Variants in GPM6A observed in about 807,000 individuals in gnomAD.
GPM6A encodes the protein neuronal membrane glycoprotein M6-a.
A neutral mutation model predicts 32.1 loss-of-function variants in GPM6A; 7 were observed. That is an observed-to-expected ratio of 0.22 (90% CI 0.12 to 0.41). The LOEUF (loss-of-function observed/expected upper bound fraction) is 0.41, where lower values mean the gene tolerates loss of function less well. Among genes scored for constraint, GPM6A ranks in the 10% least tolerant of loss-of-function variants. The pLI is 1.00. For missense variants in GPM6A, 235 were observed against 347.2 expected, an observed-to-expected ratio of 0.68 and a Z score of 2.57; for synonymous variants, 130 against 123.4, an observed-to-expected ratio of 1.05 and a Z score of -0.35.
chr4:175,784,974 C>T (rs1733741989), intron 1 of GPM6A, among the ~76,000 whole-genome samples: 4 of 152,118 alleles, frequency 2.6e-5, no homozygotes, highest in Admixed American at 2.0e-4. Context: ...CAATTCATCC[C>T]CTTTCTGTAT....
chr4:175,684,688 T>C (rs565777423), intron 2 of GPM6A, among the ~76,000 whole-genome samples: 2 of 152,234 alleles, frequency 1.3e-5, no homozygotes, highest in African/African-American at 2.4e-5. Context: ...TGAATTTCTA[T>C]ATCTAGATTT....
chr4:175,883,861 G>C (rs1185520098), intron 1 of GPM6A, among the ~76,000 whole-genome samples: 2 of 152,084 alleles, frequency 1.3e-5, no homozygotes, highest in Non-Finnish European at 2.9e-5. Flanking sequence ...TACCAATTCA[G>C]AAATGTTATT....
chr4:175,794,170 G>T (rs964773403), intron 1 of GPM6A, among the ~76,000 whole-genome samples: 1 of 152,112 alleles, frequency 6.6e-6, no homozygotes, highest in Non-Finnish European at 1.5e-5. Context: ...AAAAATCTCT[G>T]GGTCTTAGCA....
At chr4:175,724,995 T>C (rs1256116680) in intron 1 of GPM6A, among the ~76,000 whole-genome samples, 3 of 152,144 alleles carry the variant, frequency 2.0e-5, no homozygotes, top group Admixed American at 2.0e-4. Context: ...ATTCTTCCCT[T>C]ACATATCTCC....
At chr4:175,967,933 A>G (rs1214776868) in intron 1 of GPM6A, among the ~76,000 whole-genome samples, 2 of 152,178 alleles carry the variant, frequency 1.3e-5, no homozygotes, top group Non-Finnish European at 2.9e-5. Flanking sequence ...TTTTATATGG[A>G]AAGAAACAGA....
At position 175,678,696 on chromosome 4, in the gene GPM6A, G is replaced by A. The variant is rs542190884; in HGVS notation, c.231-4860C>T. The stretch of plus-strand genomic sequence containing the variant: ...ATGATGTGAACTGTGTAAACCTGTC[G>A]CGCATTTGAAAGAATCTGAGGATGT... On this transcript the variant is annotated intron_variant, in intron 2 of 6. Coordinates refer to ENST00000393658, the MANE Select transcript of GPM6A (RefSeq NM_201591.3). Among the ~76,000 whole-genome samples the A allele has an allele frequency of 4.6e-5, 7 of 152,190 alleles. No homozygotes were observed. The South Asian group carries it at 6.2e-4, about 14-fold the overall frequency.
At chr4:175,828,087 A>G (rs1313440466) in intron 1 of GPM6A, among the ~76,000 whole-genome samples, 2 of 152,204 alleles carry the variant, frequency 1.3e-5, no homozygotes, top group Non-Finnish European at 2.9e-5. Context: ...AAAACATTGT[A>G]TATTCATATA....
intron 5 of GPM6A, 140 bp downstream of exon 5, chr4:175,640,613 G>A (rs1741086510): frequency 3.0e-6 from 2 of 664,456 alleles, no homozygotes; most frequent in Non-Finnish European, 5.3e-6. Flanking sequence ...TACTCCTCCT[G>A]AATAACACTA....
intron 1 of GPM6A, among the ~76,000 whole-genome samples, chr4:175,823,387 C>T (rs1036532165): frequency 7.9e-5 from 12 of 152,082 alleles, no homozygotes; most frequent in Admixed American, 2.6e-4. Context: ...CAATAAGATA[C>T]GTCAGTTAAG....
intron 2 of GPM6A, among the ~76,000 whole-genome samples, chr4:175,676,917 AT>A (rs1743401108): frequency 6.6e-6 from 1 of 152,220 alleles, no homozygotes; most frequent in Admixed American, 6.5e-5. Context: ...CTCCAGATCT[AT>A]TTAAGTATCT....
chr4:175,779,452 G>A (rs1212384330), intron 1 of GPM6A, among the ~76,000 whole-genome samples: 1 of 152,118 alleles, frequency 6.6e-6, no homozygotes, highest in Non-Finnish European at 1.5e-5. Context: ...TGAATATTGA[G>A]TGTAATGAAT....
In GPM6A at chr4:175,913,271, C is replaced by T. The variant is rs114493735; in HGVS notation, c.-23+89038G>A. ...GATGATTTGTAAACAAACAGAATCA[C>T]CCACTATGTCTTCCAAGAATTGTGT... On this transcript the variant is annotated intron_variant, in intron 1 of 7. Transcript: ENST00000280187. 5.0e-3 allele frequency among the ~76,000 whole-genome samples: 747 copies of T among 150,738 alleles called. 2 individuals carry two copies. Among genetic ancestry groups the T allele is most frequent in the African/African-American group, 0.017 (685 of 40,176 alleles).
At chr4:175,782,624 A>T (rs1384333415) in intron 1 of GPM6A, among the ~76,000 whole-genome samples, 1 of 152,162 alleles carries the variant, frequency 6.6e-6, no homozygotes, top group Non-Finnish European at 1.5e-5. Context: ...AGTTTATTAC[A>T]TCCGATTAAC....
chr4:175,637,316 TAAA>T (rs1239378360), intron 6 of GPM6A, among the ~76,000 whole-genome samples: 2 of 69,240 alleles, frequency 2.9e-5, no homozygotes, highest in Non-Finnish European at 5.3e-5. Flanking sequence ...ATATATAATA[TAAA>T]ATATATATTA....
rs143333761 is a variant in GPM6A, at chr4:175,783,900, A to G, written c.37+28291T>C. 9.4e-3 allele frequency among the ~76,000 whole-genome samples: 1,432 copies of G among 152,198 alleles called. 13 individuals are homozygous for G. The highest frequency in any genetic ancestry group is 0.013 in the Non-Finnish European group (897 of 67,918). ...TGAAATATCTACCAATTACAATGGT[A>G]GTATTAACATATGTCCACAAATTTT... On this transcript the variant is annotated intron_variant, in intron 1 of 6. Coordinates refer to ENST00000393658, the MANE Select transcript of GPM6A (RefSeq NM_201591.3).
chr4:175,959,232 ACT>A (rs1290205018), intron 1 of GPM6A, among the ~76,000 whole-genome samples: 1 of 151,902 alleles, frequency 6.6e-6, no homozygotes, highest in Non-Finnish European at 1.5e-5. Context: ...ACTCATGGGA[ACT>A]CTCTATATTC....
chr4:175,866,136 A>G (rs1350210272), intron 1 of GPM6A, among the ~76,000 whole-genome samples: 1 of 152,178 alleles, frequency 6.6e-6, no homozygotes, highest in African/African-American at 2.4e-5. Context: ...ACTATATTTT[A>G]GAGTGGTTTT....
chr4:175,747,857 T>C (rs1732170327), intron 1 of GPM6A, among the ~76,000 whole-genome samples: 1 of 152,214 alleles, frequency 6.6e-6, no homozygotes, highest in Non-Finnish European at 1.5e-5. Flanking sequence ...TACTGTTTGA[T>C]AGCATTTTAC....
intron 1 of GPM6A, among the ~76,000 whole-genome samples, chr4:175,925,994 G>A (rs1464790866): frequency 1.3e-5 from 2 of 151,804 alleles, no homozygotes; most frequent in Admixed American, 6.6e-5. Flanking sequence ...TGGAATTAAA[G>A]GTGCCTGCCA....
Sources: gnomAD v4.1 joint callset for allele counts (sites outside exome capture counted in the v4.1 genomes callset) on GRCh38, gnomAD v4.1.1 for gene constraint, MANE v1.5 for transcripts, NCBI Gene and HGNC (gene_info 2026-07-23, HGNC 2026-07-21) for gene names.